SLC4A7: variants seen among roughly 807,000 people sequenced by gnomAD.
The protein encoded by SLC4A7 is solute carrier family 4 member 7.
Under a neutral mutation model 137.6 loss-of-function variants are expected in SLC4A7, and 51 were observed. The observed-to-expected ratio is 0.37, with a 90% CI of 0.30 to 0.47. SLC4A7 has a LOEUF of 0.47. SLC4A7 is among the 20% of genes least tolerant of loss of function. The pLI, the probability that SLC4A7 is intolerant of heterozygous loss-of-function variation, is 1.00. For synonymous variants in SLC4A7, 542 were observed against 518.6 expected, an observed-to-expected ratio of 1.05 and a Z score of -0.61; for missense variants, 1,247 against 1,525.4, an observed-to-expected ratio of 0.82 and a Z score of 3.04.
chr3:27,483,914 G>A (rs2059831321), intron 1 of SLC4A7, among the ~76,000 whole-genome samples, 153 bp downstream of exon 1: 1 of 108,596 alleles, frequency 9.2e-6, no homozygotes. Context: ...CACACAAAGG[G>A]GATGGCGAGG....
Position 27,386,018 on chromosome 3 carries a change from A to C in SLC4A7, c.3366T>G (p.Leu1122=), listed in dbSNP as rs372169196. The C allele has an allele frequency of 1.3e-6, 2 of 1,597,768 alleles. No homozygotes were observed. Among genetic ancestry groups the C allele is most frequent in the Non-Finnish European group, 1.7e-6 (2 of 1,174,870 alleles). ...AAAVVFPMMV[L]ALVFVRKLMD... ...TGAGTTTGCGCACAAACACTAATGC[A>C]AGAACCTTTAAAAAGTGGGGAAGGA... is the stretch of plus-strand genomic sequence containing the variant. Residue 1122 remains leucine, a synonymous_variant, in exon 23 of 26, where the codon CTT becomes CTG. Coordinates refer to ENST00000454389, the MANE Select transcript of SLC4A7 (RefSeq NM_001321103.2).
chr3:27,376,647 A>T lies in SLC4A7; in HGVS notation c.*117T>A. On this transcript the variant is annotated 3_prime_UTR_variant, in exon 26 of 26. Transcript: ENST00000454389. ...ATTACAAACTCCAGACACTACTTTT[A>T]AAAACCCGGTAGTCACACATAAACA... The T allele has an allele frequency of 1.7e-6, 1 of 591,974 alleles. No individual in the cohort carries two copies. Among genetic ancestry groups the T allele is most frequent in the Non-Finnish European group, 2.9e-6 (1 of 339,440 alleles). The allele number at this position is 591,974 out of a possible 1,614,324, so 36.7% of individuals were successfully genotyped here.
intron 6 of SLC4A7, among the ~76,000 whole-genome samples, chr3:27,432,859 T>C (rs1420314688): frequency 1.3e-5 from 2 of 152,150 alleles, no homozygotes; most frequent in Non-Finnish European, 2.9e-5. Context: ...AAGGAGAGAA[T>C]ATAAACAACA....
At position 27,433,912 on chromosome 3, in the gene SLC4A7, T is replaced by A; in HGVS notation, c.778+4A>T. The A allele has an allele frequency of 1.2e-6, 2 of 1,613,112 alleles. No individual in the cohort carries two copies. The highest frequency in any genetic ancestry group is 1.7e-6 in the Non-Finnish European group (2 of 1,179,590). Reference sequence around the variant, plus strand: ...CAAAAATTGGATGCCACAACTTATCTCACCATTCCTTTCAAGCAAGTGAGG... The same window carrying A: ...CAAAAATTGGATGCCACAACTTATCACACCATTCCTTTCAAGCAAGTGAGG... On this transcript the variant is annotated splice_donor_region_variant and intron_variant, in intron 6 of 25. Coordinates refer to ENST00000454389, the MANE Select transcript of SLC4A7 (RefSeq NM_001321103.2).
At chr3:27,411,893 C>G in intron 11 of SLC4A7, 145 bp from the exon 12 acceptor site, 1 of 405,130 alleles carries the variant, frequency 2.5e-6, no homozygotes. Flanking sequence ...AAAATAAACT[C>G]TCTTCTGAAA....
At chr3:27,442,383 C>T (rs1189387666) in intron 3 of SLC4A7, among the ~76,000 whole-genome samples, 4 of 151,914 alleles carry the variant, frequency 2.6e-5, no homozygotes, top group East Asian at 3.9e-4. Flanking sequence ...GGGTTTTATC[C>T]CATGAAAATG....
chr3:27,404,123 A>G (rs2053083980), intron 14 of SLC4A7, among the ~76,000 whole-genome samples: 1 of 152,208 alleles, frequency 6.6e-6, no homozygotes, highest in African/African-American at 2.4e-5. Context: ...TGTAATCCCA[A>G]ACTTGGGGAG....
At chr3:27,436,785 T>G (rs1288533556) in intron 4 of SLC4A7, among the ~76,000 whole-genome samples, 1 of 152,160 alleles carries the variant, frequency 6.6e-6, no homozygotes, top group Non-Finnish European at 1.5e-5. Flanking sequence ...AAAAACAAAC[T>G]ATGGAATTTC....
intron 3 of SLC4A7, among the ~76,000 whole-genome samples, chr3:27,443,187 C>T (rs1333572797): frequency 5.3e-5 from 8 of 151,740 alleles, no homozygotes; most frequent in Non-Finnish European, 7.4e-5. Flanking sequence ...CGTGCCAAAA[C>T]GCCTGGCTAA....
chr3:27,475,703 A>G (rs922866762), intron 1 of SLC4A7, among the ~76,000 whole-genome samples: 1 of 152,208 alleles, frequency 6.6e-6, no homozygotes, highest in African/African-American at 2.4e-5. Flanking sequence ...TCTTATCCCG[A>G]GGATACTGCT....
intron 10 of SLC4A7, 121 bp from the exon 11 acceptor site, chr3:27,418,753 C>T: frequency 1.6e-6 from 1 of 618,354 alleles, no homozygotes; most frequent in Non-Finnish European, 2.8e-6. Context: ...ACTCTTATCT[C>T]AGGCAGGTAT....
intron 10 of SLC4A7, among the ~76,000 whole-genome samples, chr3:27,420,488 A>C (rs1318615307): frequency 6.6e-6 from 1 of 152,170 alleles, no homozygotes; most frequent in Non-Finnish European, 1.5e-5. Context: ...TAAAACAAAA[A>C]AAAATTTTTA....
chr3:27,408,814 A>G (rs79782402), intron 13 of SLC4A7, among the ~76,000 whole-genome samples: 59 of 152,364 alleles, frequency 3.9e-4, no homozygotes, highest in African/African-American at 1.4e-3. Context: ...TTTCCAAATA[A>G]AAGTTTTAGC....
chr3:27,440,151 TG>T (rs2057074365), intron 3 of SLC4A7, among the ~76,000 whole-genome samples: 1 of 152,306 alleles, frequency 6.6e-6, no homozygotes, highest in Admixed American at 6.5e-5. Flanking sequence ...CTTACAGTTC[TG>T]GATACCAGAA....
intron 11 of SLC4A7, among the ~76,000 whole-genome samples, chr3:27,414,449 T>C (rs574380324): frequency 8.5e-5 from 13 of 152,260 alleles, no homozygotes; most frequent in Non-Finnish European, 1.6e-4. Flanking sequence ...ATATTTGGCA[T>C]GTTAGAGGTG....
chr3:27,413,368 C>T (rs1018041366), intron 11 of SLC4A7, among the ~76,000 whole-genome samples: 4 of 152,152 alleles, frequency 2.6e-5, no homozygotes, highest in African/African-American at 9.6e-5. Context: ...AATTATTCCA[C>T]ACCATTTAAA....
intron 18 of SLC4A7, among the ~76,000 whole-genome samples, chr3:27,395,495 C>G (rs773223519): frequency 6.6e-6 from 1 of 152,192 alleles, no homozygotes; most frequent in South Asian, 2.1e-4. Flanking sequence ...GAGATTATTA[C>G]GCTGTCGAGT....
chr3:27,377,235 A>G (rs187835159), intron 25 of SLC4A7, among the ~76,000 whole-genome samples: 1 of 152,278 alleles, frequency 6.6e-6, no homozygotes, highest in East Asian at 1.9e-4. Context: ...TAGGTATCAA[A>G]TAATTTCCAA....
chr3:27,431,781 A>C, intron 6 of SLC4A7, 112 bp from the exon 7 acceptor site: 1 of 1,071,482 alleles, frequency 9.3e-7, no homozygotes, highest in Non-Finnish European at 1.3e-6. Flanking sequence ...AAGGCCCAAA[A>C]TTTCAAAGTC....
Sources: allele counts gnomAD v4.1 joint callset (sites outside exome capture counted in the v4.1 genomes callset), GRCh38; gene constraint gnomAD v4.1.1; transcripts MANE v1.5; gene names NCBI Gene and HGNC (gene_info 2026-07-23, HGNC 2026-07-21).